RCL1: variants seen among roughly 807,000 people sequenced by gnomAD.
RCL1 encodes RNA terminal phosphate cyclase like 1.
A neutral mutation model predicts 42.4 loss-of-function variants in RCL1; 24 were observed. That is an observed-to-expected ratio of 0.57 (90% confidence interval 0.41 to 0.80). The LOEUF is 0.80. RCL1 is among the 30% of genes least tolerant of loss of function. The probability of loss-of-function intolerance (pLI) is 0.00; values close to 1 mark genes in which losing one functional copy is unlikely to be tolerated. For missense variants in RCL1, 578 were observed against 467.9 expected, an observed-to-expected ratio of 1.24 and a Z score of -2.17; for synonymous variants, 228 against 177.3, an observed-to-expected ratio of 1.29 and a Z score of -2.27.
intron 1 of RCL1, among the ~76,000 whole-genome samples, chr9:4,816,600 G>A (rs1038399027): frequency 5.9e-5 from 9 of 151,784 alleles, no homozygotes; most frequent in Non-Finnish European, 1.0e-4. Context: ...TGCTTTATCC[G>A]CAGCCCTTTT....
chr9:4,849,623 T>C, intron 8 of RCL1, 73 bp downstream of exon 8: 1 of 1,128,408 alleles, frequency 8.9e-7, no homozygotes, highest in Non-Finnish European at 1.3e-6. Context: ...ACAAAGGGTG[T>C]TGTGCTGCAC....
chr9:4,816,500 G>C (rs963982517), intron 1 of RCL1, among the ~76,000 whole-genome samples: 10 of 152,054 alleles, frequency 6.6e-5, no homozygotes, highest in African/African-American at 2.4e-4. Flanking sequence ...ATTTTATCAG[G>C]TGGTTTTTCT....
At chr9:4,811,466 C>T (rs1434411372) in intron 1 of RCL1, among the ~76,000 whole-genome samples, 1 of 152,054 alleles carries the variant, frequency 6.6e-6, no homozygotes, top group Non-Finnish European at 1.5e-5. Flanking sequence ...CTATTCTATC[C>T]TCTACTTGCT....
intron 6 of RCL1, among the ~76,000 whole-genome samples, 186 bp downstream of exon 6, chr9:4,841,543 TC>T (rs1587724732): frequency 6.6e-6 from 1 of 152,232 alleles, no homozygotes; most frequent in East Asian, 1.9e-4. Flanking sequence ...ATGGAAAGCA[TC>T]CCAGTGGCTA....
intron 5 of RCL1, among the ~76,000 whole-genome samples, chr9:4,834,933 G>A (rs1817071666): frequency 6.6e-6 from 1 of 152,150 alleles, no homozygotes; most frequent in African/African-American, 2.4e-5. Flanking sequence ...ATTTGAACCT[G>A]GTCTGTGTGA....
chr9:4,797,381 G>C (rs928210785), intron 1 of RCL1, among the ~76,000 whole-genome samples: 2 of 152,214 alleles, frequency 1.3e-5, no homozygotes, highest in South Asian at 2.1e-4. Flanking sequence ...GATATTTGAA[G>C]AGAATTATGC....
At chr9:4,828,066 G>C (rs1816824297) in intron 3 of RCL1, among the ~76,000 whole-genome samples, 1 of 151,432 alleles carries the variant, frequency 6.6e-6, no homozygotes, top group East Asian at 1.9e-4. Flanking sequence ...GGCGCCTGTA[G>C]TGCCAGCTAC....
intron 7 of RCL1, among the ~76,000 whole-genome samples, chr9:4,849,000 A>G (rs1817617357): frequency 6.6e-6 from 1 of 152,144 alleles, no homozygotes; most frequent in South Asian, 2.1e-4. Flanking sequence ...TTCATGTCAG[A>G]TAGACTGTGT....
At chr9:4,842,116 GTTTTGTTTGT>G in intron 6 of RCL1, among the ~76,000 whole-genome samples, 1 of 152,282 alleles carries the variant, frequency 6.6e-6, no homozygotes, top group South Asian at 2.1e-4. Flanking sequence ...TTGTTTGTGG[GTTTTGTTTGT>G]TTTTGTTTTT....
intron 8 of RCL1, among the ~76,000 whole-genome samples, chr9:4,857,500 T>C (rs1818001044): frequency 6.6e-6 from 1 of 152,250 alleles, no homozygotes; most frequent in Admixed American, 6.5e-5. Context: ...CCACATTTTA[T>C]GCATTCATCA....
intron 1 of RCL1, among the ~76,000 whole-genome samples, chr9:4,801,088 G>T (rs75511465): frequency 6.6e-6 from 1 of 152,114 alleles, no homozygotes; most frequent in East Asian, 1.9e-4. Flanking sequence ...CTTAATTTGC[G>T]TATTACAAAT....
At chr9:4,838,843 C>T (rs146038031) in intron 5 of RCL1, among the ~76,000 whole-genome samples, 1 of 152,160 alleles carries the variant, frequency 6.6e-6, no homozygotes, top group Non-Finnish European at 1.5e-5. Context: ...AGAATAAGAA[C>T]CTCTGCTTGG....
chr9:4,832,911 T>G (rs413602), intron 3 of RCL1, among the ~76,000 whole-genome samples: 111,395 of 151,202 alleles, frequency 0.74, 43,091 homozygotes, highest in East Asian at 0.92. Flanking sequence ...CACGATGACT[T>G]TAAGGTAGGT....
chr9:4,843,142 A>T (rs979350653), intron 6 of RCL1, among the ~76,000 whole-genome samples: 1 of 152,268 alleles, frequency 6.6e-6, no homozygotes, highest in South Asian at 2.1e-4. Context: ...CTCCAGTTAC[A>T]GATGACTAAT....
intron 7 of RCL1, among the ~76,000 whole-genome samples, chr9:4,848,246 A>G (rs1193133439): frequency 2.0e-5 from 3 of 152,212 alleles, no homozygotes; most frequent in Non-Finnish European, 4.4e-5. Context: ...AGAATTTGCT[A>G]TGTGATCTAA....
chr9:4,818,360 A>G (rs1816469923), intron 1 of RCL1, among the ~76,000 whole-genome samples: 1 of 152,038 alleles, frequency 6.6e-6, no homozygotes, highest in African/African-American at 2.4e-5. Context: ...TAGGAAAGAT[A>G]TTTGGTTCTT....
chr9:4,816,078 G>A (rs539541337), intron 1 of RCL1, among the ~76,000 whole-genome samples: 18 of 152,132 alleles, frequency 1.2e-4, no homozygotes, highest in African/African-American at 1.7e-4. Context: ...TGTTTTGGCC[G>A]TCTTTGTGAA....
At chr9:4,795,960 T>G (rs999139917) in intron 1 of RCL1, among the ~76,000 whole-genome samples, 1 of 152,124 alleles carries the variant, frequency 6.6e-6, no homozygotes, top group Admixed American at 6.5e-5. Flanking sequence ...AGGGGCTCAG[T>G]GGAGTTCAGA....
chr9:4,833,795 T>G (rs768618834), intron 4 of RCL1, among the ~76,000 whole-genome samples: 52 of 152,244 alleles, frequency 3.4e-4, no homozygotes, highest in Non-Finnish European at 7.3e-5. Flanking sequence ...AGATCCGTTA[T>G]TTGCATGGGA....
Sources: gnomAD v4.1 joint callset for allele counts (sites outside exome capture counted in the v4.1 genomes callset) on GRCh38, gnomAD v4.1.1 for gene constraint, MANE v1.5 for transcripts, NCBI Gene and HGNC (gene_info 2026-07-23, HGNC 2026-07-21) for gene names.